Variants in CREB1 observed in about 807,000 individuals in gnomAD.
CREB1 encodes cyclic AMP-responsive element-binding protein 1.
A neutral mutation model predicts 42.0 loss-of-function variants in CREB1; 2 were observed. That is an observed-to-expected ratio of 0.05 (90% confidence interval 0.02 to 0.15). CREB1 has a LOEUF of 0.15. Ranked by LOEUF, CREB1 falls within the 10% of genes least tolerant of loss-of-function variation. The pLI is 1.00. For missense variants in CREB1, 199 were observed against 388.9 expected, an observed-to-expected ratio of 0.51 and a Z score of 4.11; for synonymous variants, 123 against 139.9, an observed-to-expected ratio of 0.88 and a Z score of 0.85.
chr2:207,567,426 A>G (rs927220129), intron 3 of CREB1, 37 bp from the exon 4 acceptor site: 5 of 1,466,778 alleles, frequency 3.4e-6, no homozygotes, highest in Non-Finnish European at 4.7e-6. Context: ...CAGGAACTAA[A>G]TTTGATTATC....
At chr2:207,575,557 A>C (rs1399590487) in intron 6 of CREB1, 103 bp downstream of exon 6, 4 of 977,010 alleles carry the variant, frequency 4.1e-6, no homozygotes, top group Non-Finnish European at 4.5e-6. Flanking sequence ...CACCATTCAA[A>C]TGTAGTTAAC....
rs1006383538 is a variant in CREB1 at position 207,600,262 on chromosome 2, T to TATATAC, written c.*3205_*3206insTATACA. The stretch of plus-strand genomic sequence containing the variant: ...ACATATATATATATATATATATATA[T>TATATAC]ACATACAGTATATAATCTAAAGCTC... On this transcript the variant is annotated 3_prime_UTR_variant, in exon 8 of 8. Transcript: ENST00000353267. 1.3e-5 allele frequency: 2 copies of TATATAC among 153,608 alleles called. No homozygotes were observed. The highest frequency in any genetic ancestry group is 2.8e-5 in the Non-Finnish European group (2 of 72,116). 9.5% of individuals were successfully genotyped at this position (153,608 alleles called of 1,614,324 possible). A position where few individuals can be genotyped will look rare whatever the true frequency, so the allele number is the denominator to read the frequency against.
intron 6 of CREB1, 95 bp from the exon 7 acceptor site, chr2:207,577,410 T>C (rs1346904070): frequency 6.8e-7 from 1 of 1,467,504 alleles, no homozygotes; most frequent in Non-Finnish European, 9.2e-7. Context: ...GTTTCCCTTT[T>C]AGTCCAAAAT....
At position 207,600,889 on chromosome 2, in the gene CREB1, G is replaced by A. The variant is rs2086931893; in HGVS notation, c.*3831G>A. 1 of 202,622 alleles carries A rather than the reference G, an allele frequency of 4.9e-6. No homozygotes were observed. The highest frequency in any genetic ancestry group is 6.0e-5 in the Admixed American group (1 of 16,728). The allele number at this position is 202,622 out of a possible 1,614,324, so 12.6% of individuals were successfully genotyped here. A position where few individuals can be genotyped will look rare whatever the true frequency, so the allele number is the denominator to read the frequency against. On this transcript the variant is annotated 3_prime_UTR_variant, in exon 8 of 8. Transcript: ENST00000353267. ...GAAATACGTTTGTTTAAACCAGGAT[G>A]CTTTACTTACTTGAAGTGACTTCAA...
chr2:207,554,094 A>G (rs970330689), intron 1 of CREB1, among the ~76,000 whole-genome samples: 2 of 152,172 alleles, frequency 1.3e-5, no homozygotes, highest in African/African-American at 2.4e-5. Context: ...GGATATTACT[A>G]TCGATTATAT....
At chr2:207,559,277 A>G in intron 2 of CREB1, 2 of 979,244 alleles carry the variant, frequency 2.0e-6, no homozygotes, top group East Asian at 1.1e-4. Context: ...TAACAAGTCT[A>G]ACTTTTTTCT....
chr2:207,587,074 C>T (rs752433069), intron 7 of CREB1, among the ~76,000 whole-genome samples: 11 of 152,076 alleles, frequency 7.2e-5, no homozygotes, highest in African/African-American at 2.4e-4. Context: ...GCAGCCATTA[C>T]GGAAAACGGT....
chr2:207,584,670 G>A (rs549892296), intron 7 of CREB1, among the ~76,000 whole-genome samples: 48 of 152,252 alleles, frequency 3.2e-4, no homozygotes, highest in African/African-American at 1.1e-3. Flanking sequence ...CCAAAATGCT[G>A]GGATTACAGG....
chr2:207,537,258 C>T (rs775261599), intron 1 of CREB1, among the ~76,000 whole-genome samples: 54 of 151,984 alleles, frequency 3.6e-4, no homozygotes, highest in Non-Finnish European at 7.2e-4. Context: ...AGGATGGTCT[C>T]GATCTCCTTG....
intron 1 of CREB1, among the ~76,000 whole-genome samples, chr2:207,535,616 C>T (rs1013576662): frequency 1.3e-5 from 2 of 151,846 alleles, no homozygotes; most frequent in African/African-American, 4.8e-5. Flanking sequence ...TGAGATTCAC[C>T]TATATGATTG....
chr2:207,584,473 G>A (rs968067456), intron 7 of CREB1, among the ~76,000 whole-genome samples: 41 of 151,952 alleles, frequency 2.7e-4, no homozygotes, highest in Non-Finnish European at 8.8e-5. Flanking sequence ...GCACCATGTC[G>A]GCTCACTGTA....
intron 1 of CREB1, among the ~76,000 whole-genome samples, chr2:207,549,423 C>T (rs2081416261): frequency 6.6e-6 from 1 of 151,602 alleles, no homozygotes; most frequent in Non-Finnish European, 1.5e-5. Context: ...TTAACCCTCC[C>T]CCGCTTAAAA....
intron 3 of CREB1, chr2:207,561,258 A>G: frequency 1.8e-6 from 2 of 1,089,692 alleles, no homozygotes; most frequent in Non-Finnish European, 2.7e-6. Context: ...TAAACATGGA[A>G]TTTCAACACT....
chr2:207,591,113 G>A (rs1365714533), intron 7 of CREB1, among the ~76,000 whole-genome samples: 1 of 152,078 alleles, frequency 6.6e-6, no homozygotes, highest in Non-Finnish European at 1.5e-5. Context: ...TGTCAGATAG[G>A]TGTAGTTGAT....
chr2:207,553,912 T>C (rs1162532367), intron 1 of CREB1, among the ~76,000 whole-genome samples: 1 of 152,198 alleles, frequency 6.6e-6, no homozygotes, highest in Non-Finnish European at 1.5e-5. Flanking sequence ...ACAATTTGTT[T>C]TACTTTTTTA....
intron 1 of CREB1, among the ~76,000 whole-genome samples, chr2:207,543,028 C>T (rs761366170): frequency 6.6e-6 from 1 of 152,172 alleles, no homozygotes; most frequent in South Asian, 2.1e-4. Context: ...ACCAAATCCA[C>T]GGATGCTTGA....
In CREB1 at chr2:207,596,884, A is replaced by G. The variant is rs995601442; in HGVS notation, c.840-30A>G. On this transcript the variant is annotated intron_variant, in intron 7 of 7. Coordinates refer to ENST00000353267, the MANE Select transcript of CREB1 (RefSeq NM_004379.5). ...AAATAAATATGTGGAAATCATTTGC[A>G]TAATTTTTCCCGTCCTCTTTTGCTT... is the stretch of plus-strand genomic sequence containing the variant. The G allele has an allele frequency of 1.6e-5, 25 of 1,584,816 alleles. 1 individual carries two copies. The highest frequency in any genetic ancestry group is 3.9e-5 in the Admixed American group (2 of 50,926).
rs1490317557 is a variant in CREB1 at position 207,599,821 on chromosome 2, TAATA to T, written c.*2767_*2770del. On this transcript the variant is annotated 3_prime_UTR_variant, in exon 8 of 8. Transcript: ENST00000353267. Reference sequence around the variant, plus strand: ...AGAACATATGTGGCCACATTACCAGTAATAAATGTTTTTCTCTTTATATTGGCCA... The same window carrying T: ...AGAACATATGTGGCCACATTACCAGTAATGTTTTTCTCTTTATATTGGCCA... The T allele has an allele frequency of 5.1e-6, 1 of 195,240 alleles. No individual in the cohort carries two copies. The highest frequency in any genetic ancestry group is 1.1e-5 in the Non-Finnish European group (1 of 93,864). 12.1% of individuals were successfully genotyped at this position (195,240 alleles called of 1,614,324 possible).
At chr2:207,561,601 C>A (rs954294155) in intron 3 of CREB1, among the ~76,000 whole-genome samples, 4 of 152,156 alleles carry the variant, frequency 2.6e-5, no homozygotes, top group Admixed American at 2.0e-4. Context: ...TCTTCCCCAT[C>A]CCCCGCACCC....
Sources: gnomAD v4.1 joint callset for allele counts (sites outside exome capture counted in the v4.1 genomes callset) on GRCh38, gnomAD v4.1.1 for gene constraint, MANE v1.5 for transcripts, NCBI Gene and HGNC (gene_info 2026-07-23, HGNC 2026-07-21) for gene names.